The following ARHGDIA variants were observed in gnomAD, a reference collection of about 807,000 sequenced individuals.
ARHGDIA encodes the protein Rho GDP dissociation inhibitor alpha.
A neutral mutation model predicts 25.0 loss-of-function variants in ARHGDIA; 9 were observed. The observed-to-expected ratio is 0.36, with a 90% CI of 0.22 to 0.63. The LOEUF (loss-of-function observed/expected upper bound fraction) is 0.63, where lower values mean the gene tolerates loss of function less well. Among genes scored for constraint, ARHGDIA ranks in the 20% least tolerant of loss-of-function variants. The pLI, the probability that ARHGDIA is intolerant of heterozygous loss-of-function variation, is 0.69. For missense variants in ARHGDIA, 239 were observed against 264.3 expected (o/e 0.90, Z 0.66); for synonymous variants, 166 against 111.5 (o/e 1.49, Z -3.08).
chr17:81,868,711 G>A lies in ARHGDIA; in HGVS notation c.*165C>T. The A allele has an allele frequency of 6.5e-7, 1 of 1,533,708 alleles. No homozygotes were observed. Among genetic ancestry groups the A allele is most frequent in the Non-Finnish European group, 8.7e-7 (1 of 1,145,970 alleles). On this transcript the variant is annotated 3_prime_UTR_variant, in exon 6 of 6. Coordinates refer to ENST00000269321, the MANE Select transcript of ARHGDIA (RefSeq NM_004309.6). ...TGTGGGTGGGGGAGGGCTGAGGAGG[G>A]GGGTCGGAGGCACTCGGTTGAGCCA...
intron 1 of ARHGDIA, chr17:81,870,847 C>A (rs1320028335): frequency 6.6e-6 from 1 of 151,928 alleles, no homozygotes. Context: ...CCGGGCGTGG[C>A]CCGGGCGCTG....
In ARHGDIA at chr17:81,868,565, G is replaced by A. The variant is rs1164933184; in HGVS notation, c.*311C>T. The A allele has an allele frequency of 1.3e-6, 2 of 1,535,070 alleles. No homozygotes were observed. Among genetic ancestry groups the A allele is most frequent in the East Asian group, 2.4e-5 (1 of 40,904 alleles). On this transcript the variant is annotated 3_prime_UTR_variant, in exon 6 of 6. Transcript: ENST00000269321. ...GCTCCCTCCTGAAGCCAGGCCTCGG[G>A]TGTGACGGGGAGATAGAACCTGGGG...
rs1218033328 is a variant in ARHGDIA, at chr17:81,867,978, AC to A, written c.*897del. ...GACGGCACGGACGGAGGCAATAAAT[AC>A]TGATGGCCAGGCGGGGCTCCTGGCT... On this transcript the variant is annotated 3_prime_UTR_variant, in exon 6 of 6. Coordinates refer to ENST00000269321, the MANE Select transcript of ARHGDIA (RefSeq NM_004309.6). 5.6e-6 allele frequency: 1 copy of A among 179,888 alleles called. No homozygotes were observed. The highest frequency in any genetic ancestry group is 2.4e-5 in the African/African-American group (1 of 42,420). 11.1% of individuals were successfully genotyped at this position (179,888 alleles called of 1,614,324 possible). A position where few individuals can be genotyped will look rare whatever the true frequency, so the allele number is the denominator to read the frequency against.
rs1250718194 is a variant in ARHGDIA, at chr17:81,868,386, G to A, written c.*490C>T. The A allele has an allele frequency of 2.1e-6, 3 of 1,444,554 alleles. No individual in the cohort carries two copies. Among genetic ancestry groups the A allele is most frequent in the African/African-American group, 1.4e-5 (1 of 69,982 alleles). The allele number at this position is 1,444,554 out of a possible 1,614,324, so 89.5% of individuals were successfully genotyped here. ...CATGTTAAGGCATCATGGTTAGACG[G>A]GACCGACAGCGACAAGGGGGCTGGC... On this transcript the variant is annotated 3_prime_UTR_variant, in exon 6 of 6. Transcript: ENST00000269321.
At position 81,869,349 on chromosome 17, in the gene ARHGDIA, C is replaced by T; in HGVS notation, c.332G>A (p.Arg111Gln). 2 of 1,614,118 alleles carry T rather than the reference C, an allele frequency of 1.2e-6. No homozygotes were observed. The highest frequency in any genetic ancestry group is 2.2e-5 in the East Asian group (1 of 44,888). ...SFVLKEGVEY[R>Q]IKISFRVNRE... Reference sequence around the variant, plus strand: ...GCTTACCCGGAAAGAGATTTTTATCCGGTACTCCACACCCTCCTTCAGCAC... The same window carrying T: ...GCTTACCCGGAAAGAGATTTTTATCTGGTACTCCACACCCTCCTTCAGCAC... The change falls in exon 4 of 6, where the codon CGG becomes CAG. Residue 111 changes from arginine to glutamine, a missense_variant. Coordinates refer to ENST00000269321, the MANE Select transcript of ARHGDIA (RefSeq NM_004309.6).
At position 81,868,404 on chromosome 17, in the gene ARHGDIA, G is replaced by A. The variant is rs1438962889; in HGVS notation, c.*472C>T. On this transcript the variant is annotated 3_prime_UTR_variant, in exon 6 of 6. Transcript: ENST00000269321. ...TTAGACGGGACCGACAGCGACAAGGGGGCTGGCCAGGGAGCAGCGGGGCTG... is the reference window on the plus strand; with the variant it reads ...TTAGACGGGACCGACAGCGACAAGGAGGCTGGCCAGGGAGCAGCGGGGCTG... The A allele has an allele frequency of 2.8e-6, 4 of 1,447,702 alleles. No individual in the cohort carries two copies. Among genetic ancestry groups the A allele is most frequent in the South Asian group, 1.4e-5 (1 of 70,764 alleles). 89.7% of individuals were successfully genotyped at this position (1,447,702 alleles called of 1,614,324 possible).
rs979846018 is a variant in ARHGDIA at position 81,869,007 on chromosome 17, C to T, written c.484G>A (p.Val162Met). Residue 162 changes from valine (V) to methionine (M), a missense_variant, in exon 6 of 6, where the codon GTG becomes ATG. Physicochemically the swap from Val to Met is conservative, Grantham distance 21 (BLOSUM62 1). Transcript: ENST00000269321. Reference protein sequence around the residue: ...RAEEYEFLTPVEEAPKGMLAR... With the variant: ...RAEEYEFLTPMEEAPKGMLAR... ...AGCATACCCTTGGGTGCCTCCTCCA[C>T]GGGGGTCAGGAACTCGTACTCCTCG... is the stretch of plus-strand genomic sequence containing the variant. The T allele has an allele frequency of 7.4e-6, 12 of 1,613,594 alleles. No individual in the cohort carries two copies. Among genetic ancestry groups the T allele is most frequent in the African/African-American group, 1.3e-5 (1 of 74,884 alleles).
In ARHGDIA at chr17:81,869,024, T is replaced by G. The variant is rs746469985; in HGVS notation, c.467A>C (p.Tyr156Ser). 6.2e-7 allele frequency: 1 copy of G among 1,613,636 alleles called. No homozygotes were observed. The highest frequency in any genetic ancestry group is 1.7e-5 in the Admixed American group (1 of 60,006). ...VGSYGPRAEEYEFLTPVEEAP... is the reference protein window; with the variant it reads ...VGSYGPRAEESEFLTPVEEAP... ...CTCCTCCACGGGGGTCAGGAACTCG[T>G]ACTCCTCGGCCCGGGGCCCATAGCT... is the stretch of plus-strand genomic sequence containing the variant. Residue 156 changes from tyrosine to serine, a missense_variant, in exon 6 of 6, where the codon TAC (tyrosine) becomes TCC (serine). Tyr to Ser is a moderately radical substitution (Grantham distance 144). This residue lies in a region of ARHGDIA where 75 missense variants were observed against 122.4 expected (regional missense o/e 0.61). Coordinates refer to ENST00000269321, the MANE Select transcript of ARHGDIA (RefSeq NM_004309.6).
chr17:81,868,225 T>G lies in ARHGDIA; in HGVS notation c.*651A>C. ...AGGGGGCAGGCTGGCCAGGCACTGG[T>G]GGGCTGGGGAGCAGCAGCAGCACAC... is the stretch of plus-strand genomic sequence containing the variant. On this transcript the variant is annotated 3_prime_UTR_variant, in exon 6 of 6. Coordinates refer to ENST00000269321, the MANE Select transcript of ARHGDIA (RefSeq NM_004309.6). 1 of 825,378 alleles carries G rather than the reference T, an allele frequency of 1.2e-6. No homozygotes were observed. The highest frequency in any genetic ancestry group is 1.8e-6 in the Non-Finnish European group (1 of 564,564). 51.1% of individuals were successfully genotyped at this position (825,378 alleles called of 1,614,324 possible). A position where few individuals can be genotyped will look rare whatever the true frequency, so the allele number is the denominator to read the frequency against.
Position 81,868,819 on chromosome 17 carries a change from C to A in ARHGDIA, c.*57G>T. 6.2e-7 allele frequency: 1 copy of A among 1,609,306 alleles called. No individual in the cohort carries two copies. The highest frequency in any genetic ancestry group is 8.5e-7 in the Non-Finnish European group (1 of 1,178,420). On this transcript the variant is annotated 3_prime_UTR_variant, in exon 6 of 6. Transcript: ENST00000269321. ...TGGGGAGGGGAGGGGCTGGGGGGGA[C>A]ACATCCGCCTGTCCGTCGTCCGTCC...
intron 1 of ARHGDIA, chr17:81,870,592 C>T (rs1478680549): frequency 1.3e-5 from 2 of 152,354 alleles, no homozygotes; most frequent in Admixed American, 1.3e-4. Context: ...ACTCTCGGGC[C>T]CTCTTGTAGA....
rs771914015 is a variant in ARHGDIA, at chr17:81,869,246, C to T, written c.352-10G>A. On this transcript the variant is annotated splice_polypyrimidine_tract_variant and intron_variant, in intron 4 of 5. Transcript: ENST00000269321. The stretch of plus-strand genomic sequence containing the variant: ...CTATCTCTCGGTTAACCTGCAGGAC[C>T]CGAAGCGAGGATCAGGGAAGGTCGG... The T allele has an allele frequency of 1.2e-6, 2 of 1,614,018 alleles. No individual in the cohort carries two copies. The highest frequency in any genetic ancestry group is 1.7e-5 in the Admixed American group (1 of 60,000).
rs373168318 is a variant in ARHGDIA at position 81,869,020 on chromosome 17, C to T, written c.471G>A (p.Glu157=). The change falls in exon 6 of 6, where the codon GAG becomes GAA. Residue 157 remains glutamate, a synonymous_variant. Transcript: ENST00000269321. The part of the protein sequence containing the change: ...GSYGPRAEEY[E]FLTPVEEAPK... The stretch of plus-strand genomic sequence containing the variant: ...GTGCCTCCTCCACGGGGGTCAGGAA[C>T]TCGTACTCCTCGGCCCGGGGCCCAT... 69 of 1,613,558 alleles carry T rather than the reference C, an allele frequency of 4.3e-5. No individual in the cohort carries two copies. Among genetic ancestry groups the T allele is most frequent in the Non-Finnish European group, 5.7e-5 (67 of 1,179,976 alleles).
At chr17:81,870,057 A>G in intron 1 of ARHGDIA, 100 bp from the exon 2 acceptor site, 1 of 1,205,592 alleles carries the variant, frequency 8.3e-7, no homozygotes, top group Non-Finnish European at 1.1e-6. Flanking sequence ...AAAGGGCTCC[A>G]AGGGGGCCAC....
Position 81,868,225 on chromosome 17 carries a change from TG to T in ARHGDIA, c.*650del. 1.2e-6 allele frequency: 1 copy of T among 825,378 alleles called. No individual in the cohort carries two copies. The highest frequency in any genetic ancestry group is 3.3e-5 in the Admixed American group (1 of 30,654). The allele number at this position is 825,378 out of a possible 1,614,324, so 51.1% of individuals were successfully genotyped here. A position where few individuals can be genotyped will look rare whatever the true frequency, so the allele number is the denominator to read the frequency against. ...AGGGGGCAGGCTGGCCAGGCACTGG[TG>T]GGCTGGGGAGCAGCAGCAGCACACC... On this transcript the variant is annotated 3_prime_UTR_variant, in exon 6 of 6. Transcript: ENST00000269321.
chr17:81,868,396 C>T lies in ARHGDIA; in HGVS notation c.*480G>A, dbSNP rs897531590. On this transcript the variant is annotated 3_prime_UTR_variant, in exon 6 of 6. Transcript: ENST00000269321. ...CATCATGGTTAGACGGGACCGACAG[C>T]GACAAGGGGGCTGGCCAGGGAGCAG... 1.3e-4 allele frequency: 187 copies of T among 1,445,528 alleles called. No individual in the cohort carries two copies. The highest frequency in any genetic ancestry group is 1.6e-4 in the Non-Finnish European group (174 of 1,103,562). 89.5% of individuals were successfully genotyped at this position (1,445,528 alleles called of 1,614,324 possible). A position where few individuals can be genotyped will look rare whatever the true frequency, so the allele number is the denominator to read the frequency against.
At chr17:81,870,058 A>C (rs1200517806) in intron 1 of ARHGDIA, 101 bp from the exon 2 acceptor site, 4 of 1,203,290 alleles carry the variant, frequency 3.3e-6, no homozygotes, top group Middle Eastern at 2.8e-4. Context: ...AAGGGCTCCA[A>C]GGGGGCCACC....
intron 1 of ARHGDIA, chr17:81,870,850 G>C (rs993240046): frequency 6.6e-6 from 1 of 151,914 alleles, no homozygotes; most frequent in Non-Finnish European, 1.5e-5. Flanking sequence ...GGCGTGGCCC[G>C]GGCGCTGGGG....
In ARHGDIA at chr17:81,868,076, C is replaced by G. The variant is rs1045909191; in HGVS notation, c.*800G>C. 2 of 327,584 alleles carry G rather than the reference C, an allele frequency of 6.1e-6. No individual in the cohort carries two copies. The highest frequency in any genetic ancestry group is 2.1e-5 in the African/African-American group (1 of 46,818). The allele number at this position is 327,584 out of a possible 1,614,324, so 20.3% of individuals were successfully genotyped here. On this transcript the variant is annotated 3_prime_UTR_variant, in exon 6 of 6. Transcript: ENST00000269321. ...GGGTGTGGGCTCTGGGCACTGCCCG[C>G]TGAGACAGAAAAGGCAGAGGCAGGA...
Sources: gnomAD v4.1 joint callset for allele counts on GRCh38, gnomAD v4.1.1 for gene constraint, gnomAD v4.1.1 regional missense constraint, MANE v1.5 for transcripts, NCBI Gene and HGNC (gene_info 2026-07-23, HGNC 2026-07-21) for gene names.